Variants in EXOC3 observed in about 807,000 individuals in gnomAD.
The protein encoded by EXOC3 is exocyst complex component 3, also known as SEC6-like 1.
A neutral mutation model predicts 73.7 loss-of-function variants in EXOC3; 21 were observed. The observed-to-expected ratio is 0.29, with a 90% CI of 0.20 to 0.41. EXOC3 has a LOEUF of 0.41. Among genes scored for constraint, EXOC3 ranks in the 10% least tolerant of loss-of-function variants. The pLI is 1.00. For missense variants in EXOC3, 842 were observed against 985.1 expected, an observed-to-expected ratio of 0.85 and a Z score of 1.95; for synonymous variants, 410 against 389.1, an observed-to-expected ratio of 1.05 and a Z score of -0.63.
intron 11 of EXOC3, among the ~76,000 whole-genome samples, 190 bp downstream of exon 11, chr5:465,462 G>A (rs1051307930): frequency 2.0e-5 from 3 of 152,238 alleles, no homozygotes; most frequent in African/African-American, 7.2e-5. Context: ...CGCCGGCCCC[G>A]CCGGCTTCCC....
chr5:462,470 G>A (rs893488356), intron 9 of EXOC3, 163 bp downstream of exon 9: 6 of 688,418 alleles, frequency 8.7e-6, no homozygotes, highest in Admixed American at 2.7e-5. Context: ...CTCCGTTTTC[G>A]GTGACGCTGC....
chr5:465,300 G>A (rs1738109573), intron 11 of EXOC3, 28 bp downstream of exon 11: 2 of 1,561,202 alleles, frequency 1.3e-6, no homozygotes, highest in Non-Finnish European at 1.7e-6. Context: ...CCGGGCTGGA[G>A]AAGGCCTGTC....
At chr5:454,562 C>T (rs970968046) in intron 4 of EXOC3, among the ~76,000 whole-genome samples, 7 of 152,332 alleles carry the variant, frequency 4.6e-5, no homozygotes, top group African/African-American at 1.4e-4. Flanking sequence ...TAAACAGTTA[C>T]AAGTCTAGAT....
At chr5:459,542 C>G (rs1054829770) in intron 7 of EXOC3, 83 bp downstream of exon 7, 10 of 626,970 alleles carry the variant, frequency 1.6e-5, no homozygotes, top group Non-Finnish European at 2.2e-5. Context: ...CCTACTATGC[C>G]TGTTACTAAG....
intron 4 of EXOC3, among the ~76,000 whole-genome samples, chr5:455,916 C>G (rs1032447765): frequency 9.8e-5 from 15 of 152,352 alleles, no homozygotes; most frequent in African/African-American, 3.6e-4. Flanking sequence ...TAATAACTTT[C>G]TAATGAAAAC....
Position 464,452 on chromosome 5 carries a change from T to C in EXOC3, c.1776+40T>C, listed in dbSNP as rs532659088. 6.9e-6 allele frequency: 11 copies of C among 1,605,558 alleles called. No homozygotes were observed. The South Asian group carries it at 1.1e-4, about 16-fold the overall frequency. ...CCTAGTTCCCTCATCACCTTGACGC[T>C]AGGGCTCACCTCTCACCCTGCTCAG... On this transcript the variant is annotated intron_variant, in intron 10 of 12. Transcript: ENST00000512944.
chr5:452,504 G>A (rs1366028831), intron 3 of EXOC3, among the ~76,000 whole-genome samples: 1 of 152,166 alleles, frequency 6.6e-6, no homozygotes, highest in Non-Finnish European at 1.5e-5. Flanking sequence ...TAGTAGATCT[G>A]CCATCAGATC....
In EXOC3 at chr5:446,166, CT is replaced by C. The variant is rs2126571008; in HGVS notation, c.-39del. On this transcript the variant is annotated 5_prime_UTR_variant, in exon 2 of 13. Transcript: ENST00000512944. ...CTCCTGCAGTGCACAGAGAACACCCCTAGCATGAACAGTGTGAGGATTCCAC... is the reference window on the plus strand; with the variant it reads ...CTCCTGCAGTGCACAGAGAACACCCCAGCATGAACAGTGTGAGGATTCCAC... The C allele has an allele frequency of 1.2e-6, 2 of 1,613,314 alleles. No individual in the cohort carries two copies. The highest frequency in any genetic ancestry group is 2.2e-5 in the East Asian group (1 of 44,874).
At chr5:454,174 G>A (rs1425178509) in intron 4 of EXOC3, 123 bp downstream of exon 4, 5 of 777,542 alleles carry the variant, frequency 6.4e-6, no homozygotes, top group East Asian at 5.4e-5. Flanking sequence ...CGAGCCCACA[G>A]CCTTGGTTTC....
Position 447,168 on chromosome 5 carries a change from C to A in EXOC3, c.145-365C>A, listed in dbSNP as rs1040291416. The stretch of plus-strand genomic sequence containing the variant: ...CTGCCTAGACAAGACCTTTTAGGAA[C>A]CTAGGATGCCTGGGAGAGCATGGGT... On this transcript the variant is annotated intron_variant, in intron 2 of 12. Coordinates refer to ENST00000512944, the MANE Select transcript of EXOC3 (RefSeq NM_007277.5). 2.3e-5 allele frequency: 4 copies of A among 172,788 alleles called. 1 individual carries two copies. The South Asian group carries it at 6.0e-4, about 26-fold the overall frequency. The allele number at this position is 172,788 out of a possible 1,614,324, so 10.7% of individuals were successfully genotyped here.
Position 446,342 on chromosome 5 carries a change from G to C in EXOC3, c.137G>C (p.Arg46Thr). Residue 46 changes from arginine to threonine, a missense_variant, in exon 2 of 13, where the codon AGA becomes ACA. Physicochemically the swap from Arg to Thr is moderately conservative, Grantham distance 71. Transcript: ENST00000512944. The part of the protein sequence containing the change: ...EARKKASVEA[R>T]LKAAIQSQLD... Reference sequence around the variant, plus strand: ...CGGAAGAAGGCCTCCGTGGAGGCCAGATTGAAGGTGAGGCCACCTGCCCCA... The same window carrying C: ...CGGAAGAAGGCCTCCGTGGAGGCCACATTGAAGGTGAGGCCACCTGCCCCA... 6.2e-7 allele frequency: 1 copy of C among 1,600,732 alleles called. No individual in the cohort carries two copies. Among genetic ancestry groups the C allele is most frequent in the South Asian group, 1.1e-5 (1 of 89,362 alleles).
intron 11 of EXOC3, 77 bp downstream of exon 11, chr5:465,349 G>C: frequency 6.9e-7 from 1 of 1,458,324 alleles, no homozygotes; most frequent in Non-Finnish European, 9.3e-7. Context: ...CGGGACTCGG[G>C]CCAGTAGATG....
At chr5:450,574 C>G (rs556833083) in intron 3 of EXOC3, among the ~76,000 whole-genome samples, 2 of 152,294 alleles carry the variant, frequency 1.3e-5, no homozygotes, top group Non-Finnish European at 2.9e-5. Flanking sequence ...CAAGTCCTCT[C>G]TTTCCTTGTT....
chr5:458,909 T>C (rs1737901609), intron 6 of EXOC3, among the ~76,000 whole-genome samples: 1 of 152,208 alleles, frequency 6.6e-6, no homozygotes, highest in Non-Finnish European at 1.5e-5. Flanking sequence ...TGAGGAGAGC[T>C]CTGTCCCCTT....
chr5:455,507 C>A (rs1248862309), intron 4 of EXOC3, among the ~76,000 whole-genome samples: 1 of 152,182 alleles, frequency 6.6e-6, no homozygotes, highest in Non-Finnish European at 1.5e-5. Flanking sequence ...AGTACTTTTT[C>A]ACTTAGGAAG....
At position 459,563 on chromosome 5, in the gene EXOC3, G is replaced by A. The variant is rs916149294; in HGVS notation, c.1391+104G>A. The A allele has an allele frequency of 6.9e-6, 4 of 575,678 alleles. No homozygotes were observed. The African/African-American group carries it at 7.7e-5, about 11-fold the overall frequency. 35.7% of individuals were successfully genotyped at this position (575,678 alleles called of 1,614,324 possible). A position where few individuals can be genotyped will look rare whatever the true frequency, so the allele number is the denominator to read the frequency against. ...ATGCCTGTTACTAAGAAGAAATTAA[G>A]CCGGTAGATTCCCCACGTGTCACTC... On this transcript the variant is annotated intron_variant, in intron 7 of 12. Transcript: ENST00000512944.
At chr5:459,180 G>T (rs199651333) in intron 6 of EXOC3, among the ~76,000 whole-genome samples, 179 bp from the exon 7 acceptor site, 30 of 147,140 alleles carry the variant, frequency 2.0e-4, no homozygotes, top group African/African-American at 6.0e-4. Flanking sequence ...TGAGAAAGTT[G>T]TTTTTTTTTT....
intron 3 of EXOC3, among the ~76,000 whole-genome samples, chr5:449,764 C>T (rs1296972423): frequency 6.6e-6 from 1 of 152,162 alleles, no homozygotes; most frequent in Non-Finnish European, 1.5e-5. Context: ...CATGGGTGTA[C>T]AGATGTTTTA....
rs555887025 is a variant in EXOC3 at position 453,988 on chromosome 5, C to G, written c.983C>G (p.Ser328Trp). Reference protein sequence around the residue: ...ALSTRMQDLASEDLEANEIVS... With the variant: ...ALSTRMQDLAWEDLEANEIVS... ...AGCACGCGGATGCAGGACCTCGCAT[C>G]GGAAGACCTGGAAGCCAATGAGATC... Residue 328 changes from serine to tryptophan, a missense_variant, in exon 4 of 13, where the codon TCG becomes TGG. Coordinates refer to ENST00000512944, the MANE Select transcript of EXOC3 (RefSeq NM_007277.5). The G allele has an allele frequency of 3.7e-6, 6 of 1,613,760 alleles. No homozygotes were observed. The highest frequency in any genetic ancestry group is 1.1e-5 in the South Asian group (1 of 91,024).
Sources: gnomAD v4.1 joint callset for allele counts (sites outside exome capture counted in the v4.1 genomes callset) on GRCh38, gnomAD v4.1.1 for gene constraint, MANE v1.5 for transcripts, NCBI Gene and HGNC (gene_info 2026-07-23, HGNC 2026-07-21) for gene names.